The following FBXO28 variants were observed in gnomAD, a reference collection of about 807,000 sequenced individuals.
The protein encoded by FBXO28 is F-box only protein 28.
FBXO28 carries 8 observed loss-of-function variants against 38.1 expected under a neutral mutation model. That is an observed-to-expected ratio of 0.21 (90% CI 0.12 to 0.38). FBXO28 has a LOEUF of 0.38. Ranked by LOEUF, FBXO28 falls within the 10% of genes least tolerant of loss-of-function variation. The pLI is 1.00. For missense variants in FBXO28, 345 were observed against 460.6 expected, an observed-to-expected ratio of 0.75 and a Z score of 2.30; for synonymous variants, 168 against 173.8, an observed-to-expected ratio of 0.97 and a Z score of 0.26.
chr1:224,124,605 G>A (rs940420239), intron 1 of FBXO28, among the ~76,000 whole-genome samples: 1 of 152,142 alleles, frequency 6.6e-6, no homozygotes, highest in Non-Finnish European at 1.5e-5. Context: ...TGAGTTACAA[G>A]TTAGCATACA....
At chr1:224,126,330 G>A (rs575210754) in intron 1 of FBXO28, among the ~76,000 whole-genome samples, 30 of 152,308 alleles carry the variant, frequency 2.0e-4, no homozygotes, top group Non-Finnish European at 3.7e-4. Context: ...ACTGAACCTT[G>A]AAAATTGTTA....
intron 4 of FBXO28, among the ~76,000 whole-genome samples, chr1:224,153,556 A>G (rs1558197597): frequency 6.6e-6 from 1 of 152,324 alleles, no homozygotes; most frequent in East Asian, 1.9e-4. Flanking sequence ...CTGAAGAACA[A>G]TCTGAGCGGT....
At chr1:224,125,836 C>T (rs1656891429) in intron 1 of FBXO28, among the ~76,000 whole-genome samples, 1 of 152,046 alleles carries the variant, frequency 6.6e-6, no homozygotes, top group Non-Finnish European at 1.5e-5. Context: ...ACCACGTTGG[C>T]CAGGCTGGTC....
At chr1:224,117,169 T>TTC (rs1656661165) in intron 1 of FBXO28, among the ~76,000 whole-genome samples, 1 of 146,462 alleles carries the variant, frequency 6.8e-6, no homozygotes, top group Non-Finnish European at 1.5e-5. Context: ...AATTGGATTT[T>TTC]TTTTTTTTTT....
intron 1 of FBXO28, among the ~76,000 whole-genome samples, chr1:224,124,686 T>C (rs1457331646): frequency 6.6e-6 from 1 of 152,224 alleles, no homozygotes. Context: ...AGATGTGACT[T>C]CTTTCTGAAT....
At chr1:224,128,204 A>G (rs1319859655) in intron 1 of FBXO28, among the ~76,000 whole-genome samples, 1 of 148,942 alleles carries the variant, frequency 6.7e-6, no homozygotes, top group Admixed American at 6.9e-5. Flanking sequence ...GAAGCATAAG[A>G]CAGATCCTAA....
chr1:224,132,195 T>C (rs1487998798), intron 2 of FBXO28, among the ~76,000 whole-genome samples: 1 of 152,066 alleles, frequency 6.6e-6, no homozygotes, highest in Non-Finnish European at 1.5e-5. Context: ...GAAGTTTCAG[T>C]GAGCCAAGAT....
At chr1:224,134,786 A>G (rs1657136216) in intron 3 of FBXO28, among the ~76,000 whole-genome samples, 1 of 152,206 alleles carries the variant, frequency 6.6e-6, no homozygotes. Flanking sequence ...TTATACCTTC[A>G]GTAGTACCCT....
intron 1 of FBXO28, among the ~76,000 whole-genome samples, chr1:224,128,983 CAAAAAA>C (rs11309343): frequency 4.1e-5 from 4 of 98,156 alleles, no homozygotes; most frequent in African/African-American, 7.9e-5. Context: ...AAGACCCTGT[CAAAAAA>C]AAAAAAAAAA....
rs397982996 is a variant in FBXO28 at position 224,136,101 on chromosome 1, GTTTTTTT to G, written c.516+1903_516+1909del. 2.3e-3 allele frequency among the ~76,000 whole-genome samples: 170 copies of G among 75,132 alleles called. 5 individuals carry two copies. Among genetic ancestry groups the G allele is most frequent in the Non-Finnish European group, 2.8e-3 (125 of 44,326 alleles). The allele number at this position is 75,132 out of a possible 152,430, so 49.3% of individuals were successfully genotyped here. ...TTTTGGAAACCATTTGTTGACTTCAGTTTTTTTTTTTTTTTTTTTTGAGATGGTGTCG... is the reference window on the plus strand; with the variant it reads ...TTTTGGAAACCATTTGTTGACTTCAGTTTTTTTTTTTTTGAGATGGTGTCG... On this transcript the variant is annotated intron_variant, in intron 3 of 4. Coordinates refer to ENST00000366862, the MANE Select transcript of FBXO28 (RefSeq NM_015176.4).
chr1:224,145,534 A>T (rs535623614), intron 3 of FBXO28, among the ~76,000 whole-genome samples: 2 of 152,314 alleles, frequency 1.3e-5, no homozygotes, highest in Admixed American at 1.3e-4. Flanking sequence ...TTCCAACTCC[A>T]TTATAATCTT....
At position 224,130,487 on chromosome 1, in the gene FBXO28, G is replaced by C. The variant is rs759533143; in HGVS notation, c.283G>C (p.Asp95His). 1 of 1,613,170 alleles carries C rather than the reference G, an allele frequency of 6.2e-7. No individual in the cohort carries two copies. The highest frequency in any genetic ancestry group is 2.2e-5 in the East Asian group (1 of 44,864). Residue 95 changes from aspartate to histidine, a missense_variant, in exon 2 of 5, where the codon GAC becomes CAC. Physicochemically the swap from Asp to His is moderately conservative, Grantham distance 81 (BLOSUM62 -1). Coordinates refer to ENST00000366862, the MANE Select transcript of FBXO28 (RefSeq NM_015176.4). ...SQLRLVCKRM[D>H]LVCQRMLNQG... ...CTCCTTGAAGGTTTGTAAAAGAATGGACTTGGTCTGCCAGAGAATGTTGAA... is the reference window on the plus strand; with the variant it reads ...CTCCTTGAAGGTTTGTAAAAGAATGCACTTGGTCTGCCAGAGAATGTTGAA...
chr1:224,145,002 C>T (rs1657462966), intron 3 of FBXO28, among the ~76,000 whole-genome samples: 1 of 151,756 alleles, frequency 6.6e-6, no homozygotes, highest in African/African-American at 2.4e-5. Flanking sequence ...GTTTTAGGGG[C>T]CGGGCGCGGT....
intron 3 of FBXO28, among the ~76,000 whole-genome samples, chr1:224,144,095 A>G (rs1322454117): frequency 6.6e-6 from 1 of 150,518 alleles, no homozygotes; most frequent in Non-Finnish European, 1.5e-5. Flanking sequence ...TGGAGGTTGC[A>G]GTGAGCTGAG....
chr1:224,130,540 C>T lies in FBXO28; in HGVS notation c.336C>T (p.Tyr112=). Residue 112 remains tyrosine (Y), a synonymous_variant, in exon 2 of 5, where the codon TAC becomes TAT. Coordinates refer to ENST00000366862, the MANE Select transcript of FBXO28 (RefSeq NM_015176.4). ...LNQGFLKVER[Y]HNLCQKQVKA... ...AGGGATTTCTGAAAGTGGAGAGGTA[C>T]CATAATCTATGTCAGAAACAAGTTA... 1 of 1,613,654 alleles carries T rather than the reference C, an allele frequency of 6.2e-7. No homozygotes were observed. The highest frequency in any genetic ancestry group is 8.5e-7 in the Non-Finnish European group (1 of 1,179,696).
intron 2 of FBXO28, among the ~76,000 whole-genome samples, chr1:224,132,544 G>C (rs1018578735): frequency 6.6e-6 from 1 of 151,998 alleles, no homozygotes; most frequent in African/African-American, 2.4e-5. Context: ...GATGGCTCAC[G>C]CCTGTAATGC....
intron 3 of FBXO28, among the ~76,000 whole-genome samples, chr1:224,150,482 T>C (rs1657617545): frequency 6.6e-6 from 1 of 151,762 alleles, no homozygotes. Context: ...CTTTGGTTTA[T>C]ATTTTTAATT....
At position 224,157,513 on chromosome 1, in the gene FBXO28, C is replaced by G; in HGVS notation, c.874C>G (p.Gln292Glu). 1 of 1,614,244 alleles carries G rather than the reference C, an allele frequency of 6.2e-7. No homozygotes were observed. The highest frequency in any genetic ancestry group is 8.5e-7 in the Non-Finnish European group (1 of 1,180,046). ...TGAGCTTCGCACCAAAGTGCAAGAACAGCAAAAACAGCTTCAAGACCAGGA... is the reference window on the plus strand; with the variant it reads ...TGAGCTTCGCACCAAAGTGCAAGAAGAGCAAAAACAGCTTCAAGACCAGGA... Reference protein sequence around the residue: ...ISELRTKVQEQQKQLQDQDQK... With the variant: ...ISELRTKVQEEQKQLQDQDQK... The change falls in exon 5 of 5, where the codon CAG becomes GAG. Residue 292 changes from glutamine to glutamate, a missense_variant. By Grantham distance (29) the Gln-to-Glu change is conservative. Around this residue, in one of 6 missense-constraint regions of FBXO28, gnomAD observed 151 missense variants for 188.3 expected, o/e 0.80. Coordinates refer to ENST00000366862, the MANE Select transcript of FBXO28 (RefSeq NM_015176.4).
intron 3 of FBXO28, among the ~76,000 whole-genome samples, chr1:224,140,674 A>T (rs560982985): frequency 5.3e-4 from 81 of 152,160 alleles, no homozygotes; most frequent in Non-Finnish European, 9.4e-4. Flanking sequence ...GCCGGGCAGG[A>T]TTGCTCACAC....
Sources: gnomAD v4.1 joint callset for allele counts (sites outside exome capture counted in the v4.1 genomes callset) on GRCh38, gnomAD v4.1.1 for gene constraint, gnomAD v4.1.1 regional missense constraint, MANE v1.5 for transcripts, NCBI Gene and HGNC (gene_info 2026-07-23, HGNC 2026-07-21) for gene names.